RANBP17: variants seen among roughly 807,000 people sequenced by gnomAD.
RANBP17 encodes the protein ran-binding protein 17.
RANBP17 carries 158 observed loss-of-function variants against 141.2 expected under a neutral mutation model. That is an observed-to-expected ratio of 1.12 (90% CI 0.98 to 1.28). The LOEUF (loss-of-function observed/expected upper bound fraction) is 1.28, where lower values mean the gene tolerates loss of function less well. RANBP17 is among the 50% of genes most tolerant of loss of function. RANBP17 has a pLI of 0.00. For missense variants in RANBP17, 1,438 were observed against 1,290.7 expected, an observed-to-expected ratio of 1.11 and a Z score of -1.75; for synonymous variants, 430 against 450.0, an observed-to-expected ratio of 0.96 and a Z score of 0.56.
chr5:170,990,049 T>A (rs1345621231), intron 14 of RANBP17, among the ~76,000 whole-genome samples: 1 of 151,844 alleles, frequency 6.6e-6, no homozygotes, highest in East Asian at 1.9e-4. Context: ...CAAGTTAAAG[T>A]GCTTAACTAT....
intron 14 of RANBP17, among the ~76,000 whole-genome samples, chr5:171,022,188 A>G (rs1323986738): frequency 4.6e-5 from 7 of 151,974 alleles, no homozygotes; most frequent in African/African-American, 1.7e-4. Flanking sequence ...CAGATCTTTG[A>G]CTTTGAGGGG....
At chr5:170,949,517 T>C (rs1775034821) in intron 12 of RANBP17, among the ~76,000 whole-genome samples, 1 of 152,144 alleles carries the variant, frequency 6.6e-6, no homozygotes, top group African/African-American at 2.4e-5. Context: ...GTATCAAAAT[T>C]ATAATGAAAT....
intron 14 of RANBP17, among the ~76,000 whole-genome samples, chr5:171,022,750 C>G (rs368546288): frequency 2.6e-5 from 4 of 152,298 alleles, no homozygotes; most frequent in African/African-American, 9.6e-5. Flanking sequence ...TTGTTTCATA[C>G]GCCTCCCACA....
chr5:170,939,359 T>TTTA (rs374703867), intron 12 of RANBP17, among the ~76,000 whole-genome samples: 1 of 147,552 alleles, frequency 6.8e-6, no homozygotes, highest in African/African-American at 2.5e-5. Flanking sequence ...AAAAATTTTA[T>TTTA]TTTATTTATT....
chr5:171,062,194 C>T (rs1330073902), intron 14 of RANBP17, among the ~76,000 whole-genome samples: 1 of 151,878 alleles, frequency 6.6e-6, no homozygotes, highest in African/African-American at 2.4e-5. Context: ...GAATTTGATC[C>T]TGTCATTATG....
chr5:171,233,639 C>A (rs1561786681), intron 22 of RANBP17, among the ~76,000 whole-genome samples: 1 of 152,186 alleles, frequency 6.6e-6, no homozygotes, highest in African/African-American at 2.4e-5. Context: ...AGAAGCCAAT[C>A]TGAAAAGCCT....
chr5:170,940,899 CTT>C (rs35450164), intron 12 of RANBP17, among the ~76,000 whole-genome samples: 1 of 142,086 alleles, frequency 7.0e-6, no homozygotes, highest in Admixed American at 7.1e-5. Context: ...ATAGAGACCA[CTT>C]TTTTTTTTTT....
intron 12 of RANBP17, among the ~76,000 whole-genome samples, chr5:170,942,816 A>G (rs1045563593): frequency 1.3e-5 from 2 of 152,166 alleles, no homozygotes; most frequent in Non-Finnish European, 2.9e-5. Context: ...GAAAAGACCT[A>G]TTTTCCTTCA....
intron 14 of RANBP17, among the ~76,000 whole-genome samples, chr5:171,084,151 C>G (rs928032977): frequency 2.8e-5 from 4 of 143,420 alleles, no homozygotes; most frequent in Admixed American, 1.4e-4. Context: ...GTGATATTCC[C>G]CTTCCTGTGT....
intron 14 of RANBP17, among the ~76,000 whole-genome samples, chr5:170,984,699 A>G (rs1778002713): frequency 6.6e-6 from 1 of 152,174 alleles, no homozygotes. Flanking sequence ...TTATTAGGGT[A>G]TAATTTAAAA....
At chr5:171,085,155 G>A (rs1328305089) in intron 14 of RANBP17, among the ~76,000 whole-genome samples, 2 of 123,434 alleles carry the variant, frequency 1.6e-5, no homozygotes, top group African/African-American at 6.2e-5. Flanking sequence ...TGTAAGGAAG[G>A]GATCCAGTTT....
intron 14 of RANBP17, among the ~76,000 whole-genome samples, chr5:171,116,176 G>A (rs932359768): frequency 6.6e-6 from 1 of 152,110 alleles, no homozygotes; most frequent in African/African-American, 2.4e-5. Context: ...AGTATACAAT[G>A]TATTGCTAAT....
intron 16 of RANBP17, among the ~76,000 whole-genome samples, chr5:171,173,204 C>T (rs1267643042): frequency 6.6e-6 from 1 of 151,878 alleles, no homozygotes; most frequent in African/African-American, 2.4e-5. Flanking sequence ...TGTTTTAGTG[C>T]AGTTACTGGT....
chr5:171,213,631 G>A lies in RANBP17; in HGVS notation c.2232G>A (p.Met744Ile). The A allele has an allele frequency of 1.2e-6, 2 of 1,610,746 alleles. No individual in the cohort carries two copies. Among genetic ancestry groups the A allele is most frequent in the Non-Finnish European group, 1.7e-6 (2 of 1,177,068 alleles). Reference protein sequence around the residue: ...KTSYTMLFDWMYPTYLPLLQN... With the variant: ...KTSYTMLFDWIYPTYLPLLQN... Reference sequence around the variant, plus strand: ...AATTCTTTAACAGGCTTTATAAAAGGTACCCAACGTACCTTCCCCTTCTTC... The same window carrying A: ...AATTCTTTAACAGGCTTTATAAAAGATACCCAACGTACCTTCCCCTTCTTC... Residue 744 changes from methionine (M) to isoleucine (I), a missense_variant and splice_region_variant, in exon 21 of 28, where the codon ATG becomes ATA. By Grantham distance (10) the Met-to-Ile change is conservative (BLOSUM62 1). Coordinates refer to ENST00000523189, the MANE Select transcript of RANBP17 (RefSeq NM_022897.5).
intron 12 of RANBP17, among the ~76,000 whole-genome samples, chr5:170,944,538 T>G (rs3849707): frequency 0.67 from 102,490 of 152,146 alleles, 34,769 homozygotes; most frequent in South Asian, 0.9. Context: ...AAAGTGCTGG[T>G]ATTACAGGCG....
intron 25 of RANBP17, among the ~76,000 whole-genome samples, chr5:171,286,015 G>T (rs746729322): frequency 1.3e-5 from 2 of 152,202 alleles, no homozygotes; most frequent in South Asian, 4.1e-4. Context: ...AGAACTAGGG[G>T]TAATGTTGGT....
intron 14 of RANBP17, among the ~76,000 whole-genome samples, chr5:171,034,827 G>C (rs1207891167): frequency 1.3e-5 from 2 of 152,042 alleles, no homozygotes; most frequent in South Asian, 4.2e-4. Context: ...TTCTTTCTTT[G>C]TTTTTTTGAG....
rs1382254244 is a variant in RANBP17 at position 171,205,643 on chromosome 5, T to C, written c.2231+31T>C. 4 of 1,550,424 alleles carry C rather than the reference T, an allele frequency of 2.6e-6. No homozygotes were observed. The African/African-American group carries it at 5.4e-5, about 21-fold the overall frequency. On this transcript the variant is annotated intron_variant, in intron 20 of 27. Transcript: ENST00000523189. The stretch of plus-strand genomic sequence containing the variant: ...CTTATTACACTGTGACAATACCAGC[T>C]CTGTGCACAGAGGGATGCCAGGCCC...
chr5:171,199,847 G>T, intron 19 of RANBP17, 74 bp downstream of exon 19: 1 of 844,054 alleles, frequency 1.2e-6, no homozygotes, highest in Non-Finnish European at 1.9e-6. Flanking sequence ...AAAGGGCTTT[G>T]CATATCTGTG....
Sources: gnomAD v4.1 joint callset for allele counts (sites outside exome capture counted in the v4.1 genomes callset) on GRCh38, gnomAD v4.1.1 for gene constraint, MANE v1.5 for transcripts, NCBI Gene and HGNC (gene_info 2026-07-23, HGNC 2026-07-21) for gene names.